SNX18: variants seen among roughly 807,000 people sequenced by gnomAD.
The protein encoded by SNX18 is sorting nexin 18, also known as sorting nexin-18.
In SNX18, 35 loss-of-function variants were observed where a neutral mutation model predicts 48.7. The ratio of observed to expected loss-of-function variants is 0.72; its 90% CI spans 0.55 to 0.95. SNX18 has a LOEUF of 0.95. Ranked by LOEUF, SNX18 falls within the 40% of genes least tolerant of loss-of-function variation. The probability of loss-of-function intolerance (pLI) is 0.00; values close to 1 mark genes in which losing one functional copy is unlikely to be tolerated. For missense variants in SNX18, 824 were observed against 871.0 expected (o/e 0.95, Z 0.68); for synonymous variants, 492 against 384.7 (o/e 1.28, Z -3.26).
chr5:54,594,054 T>A, the SNX18 span, among the ~76,000 whole-genome samples: 2 of 152,174 alleles, frequency 1.3e-5, no homozygotes, highest in Admixed American at 6.5e-5. Flanking sequence ...ATAAGTAAAT[T>A]GTTTCATGTT....
chr5:54,563,511 T>A, the SNX18 span, among the ~76,000 whole-genome samples: 12 of 152,380 alleles, frequency 7.9e-5, no homozygotes, highest in East Asian at 2.3e-3. Context: ...AGCCTAGGTG[T>A]GCAGTAGACT....
the SNX18 span, among the ~76,000 whole-genome samples, chr5:54,605,278 A>G: frequency 6.6e-6 from 1 of 152,160 alleles, no homozygotes; most frequent in African/African-American, 2.4e-5. Flanking sequence ...CCTGGGACTT[A>G]AGTCATAGAC....
At chr5:54,533,700 G>A (rs1184117207) in intron 1 of SNX18, among the ~76,000 whole-genome samples, 1 of 152,198 alleles carries the variant, frequency 6.6e-6, no homozygotes. Flanking sequence ...TGAGACATGC[G>A]AAGTGCAGAG....
At chr5:54,519,914 A>G (rs1205542337) in intron 1 of SNX18, 1 of 1,232,008 alleles carries the variant, frequency 8.1e-7, no homozygotes, top group East Asian at 2.4e-5. Flanking sequence ...GGGGACCTAA[A>G]CCATGTTAGG....
At chr5:54,555,915 G>A in the SNX18 span, among the ~76,000 whole-genome samples, 2 of 151,996 alleles carry the variant, frequency 1.3e-5, no homozygotes, top group African/African-American at 2.4e-5. Context: ...CCTCAGTGTT[G>A]TGTTACATTT....
At chr5:54,637,612 T>C in the SNX18 span, among the ~76,000 whole-genome samples, 2 of 152,250 alleles carry the variant, frequency 1.3e-5, no homozygotes, top group African/African-American at 4.8e-5. Context: ...ACAAAAATGA[T>C]AATTGAGGAG....
the SNX18 span, among the ~76,000 whole-genome samples, chr5:54,619,480 C>T: frequency 2.6e-4 from 40 of 152,274 alleles, no homozygotes; most frequent in African/African-American, 9.1e-4. Flanking sequence ...TCACTGCACT[C>T]CAGCCTGGGT....
At chr5:54,522,499 T>C (rs1233223277) in intron 1 of SNX18, among the ~76,000 whole-genome samples, 1 of 152,236 alleles carries the variant, frequency 6.6e-6, no homozygotes, top group East Asian at 1.9e-4. Flanking sequence ...TATAGTTTCC[T>C]GATAGCTTTA....
chr5:54,646,843 G>C, the SNX18 span, among the ~76,000 whole-genome samples: 53 of 152,272 alleles, frequency 3.5e-4, 2 homozygotes, highest in South Asian at 0.011. Flanking sequence ...TCCCTGAACA[G>C]AAATCAAAAC....
At chr5:54,582,872 C>T in the SNX18 span, among the ~76,000 whole-genome samples, 2 of 152,244 alleles carry the variant, frequency 1.3e-5, no homozygotes, top group East Asian at 3.9e-4. Flanking sequence ...ACCATGATAG[C>T]TGGTTCTGGG....
the SNX18 span, among the ~76,000 whole-genome samples, chr5:54,562,893 G>A: frequency 6.6e-6 from 1 of 152,328 alleles, no homozygotes; most frequent in Non-Finnish European, 1.5e-5. Flanking sequence ...GGCAAGATGT[G>A]GAGGTGGAAG....
At chr5:54,627,337 G>A in the SNX18 span, among the ~76,000 whole-genome samples, 1 of 152,108 alleles carries the variant, frequency 6.6e-6, no homozygotes, top group Non-Finnish European at 1.5e-5. Context: ...TGATCTGATG[G>A]TGTTTAGCTT....
At chr5:54,619,663 A>G in the SNX18 span, among the ~76,000 whole-genome samples, 1 of 152,220 alleles carries the variant, frequency 6.6e-6, no homozygotes, top group East Asian at 1.9e-4. Context: ...GCAGATCTCA[A>G]TGAATTAGAA....
At chr5:54,540,960 C>T (rs1194515174) in intron 1 of SNX18, among the ~76,000 whole-genome samples, 1 of 152,158 alleles carries the variant, frequency 6.6e-6, no homozygotes, top group Non-Finnish European at 1.5e-5. Context: ...GCTACACATT[C>T]TCAGTCTTTC....
chr5:54,629,768 G>A, the SNX18 span, among the ~76,000 whole-genome samples: 1 of 152,180 alleles, frequency 6.6e-6, no homozygotes, highest in African/African-American at 2.4e-5. Context: ...GCTTTCTCTG[G>A]AAGAGTTTGT....
the SNX18 span, among the ~76,000 whole-genome samples, chr5:54,616,786 T>A: frequency 2.0e-5 from 3 of 148,710 alleles, no homozygotes; most frequent in Non-Finnish European, 4.5e-5. Flanking sequence ...AAAAAAAAAA[T>A]GTGCATCTTA....
chr5:54,558,734 T>G, the SNX18 span, among the ~76,000 whole-genome samples: 123,341 of 152,062 alleles, frequency 0.81, 50,338 homozygotes, highest in Middle Eastern at 0.86. Flanking sequence ...GCTCCTTAAA[T>G]TTCATGTACT....
intron 1 of SNX18, among the ~76,000 whole-genome samples, chr5:54,539,182 C>A (rs951916921): frequency 2.0e-5 from 3 of 152,232 alleles, no homozygotes; most frequent in South Asian, 2.1e-4. Context: ...CGTCACCACA[C>A]CTGGCTAACA....
intron 1 of SNX18, among the ~76,000 whole-genome samples, chr5:54,523,470 G>A (rs556054577): frequency 5.9e-4 from 90 of 152,140 alleles, no homozygotes; most frequent in Non-Finnish European, 1.1e-3. Context: ...TTAGGAATTT[G>A]GACTAAATAA....
Sources: allele counts gnomAD v4.1 joint callset (sites outside exome capture counted in the v4.1 genomes callset), GRCh38; gene constraint gnomAD v4.1.1; transcripts MANE v1.5; gene names NCBI Gene and HGNC (gene_info 2026-07-23, HGNC 2026-07-21).